PLPPR1: variants seen among roughly 807,000 people sequenced by gnomAD.
PLPPR1 encodes phospholipid phosphatase-related protein type 1.
PLPPR1 carries 10 observed loss-of-function variants against 33.1 expected under a neutral mutation model. The observed-to-expected ratio is 0.30, with a 90% confidence interval of 0.19 to 0.51. The LOEUF (loss-of-function observed/expected upper bound fraction) is 0.51. Ranked by LOEUF, PLPPR1 falls within the 20% of genes least tolerant of loss-of-function variation. The pLI, the probability that PLPPR1 is intolerant of heterozygous loss-of-function variation, is 0.97. For synonymous variants in PLPPR1, 151 were observed against 151.0 expected, an observed-to-expected ratio of 1.00 and a Z score of 0.00; for missense variants, 304 against 408.1, an observed-to-expected ratio of 0.74 and a Z score of 2.20.
intron 1 of PLPPR1, among the ~76,000 whole-genome samples, chr9:101,109,874 A>C (rs1207595387): frequency 6.6e-6 from 1 of 152,186 alleles, no homozygotes; most frequent in Non-Finnish European, 1.5e-5. Flanking sequence ...TGTTTGTGAC[A>C]TGTCACTTTC....
At chr9:101,136,901 G>T (rs776083420) in intron 1 of PLPPR1, among the ~76,000 whole-genome samples, 1 of 152,054 alleles carries the variant, frequency 6.6e-6, no homozygotes, top group African/African-American at 2.4e-5. Flanking sequence ...TCAGGTATTT[G>T]TTAGTACAAC....
At chr9:101,106,598 A>C (rs973075751) in intron 1 of PLPPR1, among the ~76,000 whole-genome samples, 1 of 78,978 alleles carries the variant, frequency 1.3e-5, no homozygotes, top group Non-Finnish European at 2.3e-5. Flanking sequence ...CCTTCATTTC[A>C]ACTTTGGTGA....
chr9:101,194,515 C>T (rs141622042), intron 2 of PLPPR1, among the ~76,000 whole-genome samples: 278 of 152,086 alleles, frequency 1.8e-3, no homozygotes, highest in African/African-American at 6.3e-3. Flanking sequence ...TTTGGGAGGC[C>T]GAGGTGGGCA....
chr9:101,250,757 A>T (rs1012706794), intron 2 of PLPPR1, among the ~76,000 whole-genome samples: 2 of 152,228 alleles, frequency 1.3e-5, no homozygotes, highest in African/African-American at 4.8e-5. Context: ...TAGAATCACC[A>T]TGATTATACC....
intron 1 of PLPPR1, among the ~76,000 whole-genome samples, chr9:101,122,093 CTT>C (rs139067015): frequency 1.3e-5 from 2 of 152,104 alleles, no homozygotes; most frequent in Middle Eastern, 3.4e-3. Flanking sequence ...TTGAAACTTG[CTT>C]TGTATTCATT....
chr9:101,259,639 G>C (rs1827861244), intron 2 of PLPPR1, among the ~76,000 whole-genome samples: 1 of 152,150 alleles, frequency 6.6e-6, no homozygotes, highest in Admixed American at 6.5e-5. Context: ...CTATGATATA[G>C]CCTGAGGAGG....
At position 101,309,311 on chromosome 9, in the gene PLPPR1, A is replaced by T. The variant is rs770585808; in HGVS notation, c.486A>T (p.Pro162=). ...CATACTTCCTGACTGTGTGCAAGCCAAACTACACCAGTGCAGACTGCCAAG... is the reference window on the plus strand; with the variant it reads ...CATACTTCCTGACTGTGTGCAAGCCTAACTACACCAGTGCAGACTGCCAAG... ...LTPYFLTVCK[P]NYTSADCQAH... Residue 162 remains proline (P), a synonymous_variant, in exon 5 of 8, where the codon CCA becomes CCT. Transcript: ENST00000374874. 14 of 1,614,196 alleles carry T rather than the reference A, an allele frequency of 8.7e-6. No homozygotes were observed. In the East Asian group the frequency reaches 3.1e-4, roughly 36 times the overall value.
intron 4 of PLPPR1, among the ~76,000 whole-genome samples, chr9:101,297,789 C>G (rs1056473215): frequency 3.9e-5 from 6 of 152,082 alleles, no homozygotes; most frequent in Non-Finnish European, 7.4e-5. Context: ...CTCATTTTTT[C>G]CCTCTTCATT....
At chr9:101,226,503 G>T (rs1216572266) in intron 2 of PLPPR1, among the ~76,000 whole-genome samples, 1 of 152,144 alleles carries the variant, frequency 6.6e-6, no homozygotes, top group African/African-American at 2.4e-5. Flanking sequence ...GGAAGTCCAA[G>T]ATCAAGGCAT....
intron 1 of PLPPR1, among the ~76,000 whole-genome samples, chr9:101,065,913 T>C (rs1201294924): frequency 6.6e-6 from 1 of 152,078 alleles, no homozygotes; most frequent in Non-Finnish European, 1.5e-5. Context: ...TAACTTCCCC[T>C]ATTGTTGACA....
chr9:101,108,919 A>T (rs145535817), intron 1 of PLPPR1, among the ~76,000 whole-genome samples: 1 of 151,592 alleles, frequency 6.6e-6, no homozygotes, highest in East Asian at 1.9e-4. Flanking sequence ...GTAAAGACTG[A>T]TATAACCCAC....
chr9:101,134,004 C>G (rs929454253), intron 1 of PLPPR1, among the ~76,000 whole-genome samples: 1 of 152,098 alleles, frequency 6.6e-6, no homozygotes, highest in Non-Finnish European at 1.5e-5. Context: ...AGGCACTTGG[C>G]GCATAGAACT....
chr9:101,302,861 C>A (rs545684798), intron 4 of PLPPR1, among the ~76,000 whole-genome samples: 1 of 152,156 alleles, frequency 6.6e-6, no homozygotes, highest in Non-Finnish European at 1.5e-5. Context: ...ATTTTGAAAA[C>A]GAGAAAATGT....
At chr9:101,072,202 T>A (rs1468234968) in intron 1 of PLPPR1, among the ~76,000 whole-genome samples, 1 of 152,170 alleles carries the variant, frequency 6.6e-6, no homozygotes, top group Non-Finnish European at 1.5e-5. Context: ...CCACTGCAGA[T>A]GTTTCTGGTT....
intron 1 of PLPPR1, among the ~76,000 whole-genome samples, chr9:101,071,352 T>C (rs1830480269): frequency 1.3e-5 from 2 of 152,110 alleles, no homozygotes; most frequent in South Asian, 4.1e-4. Flanking sequence ...TGTTTTGAAG[T>C]ATTAAAAATT....
At chr9:101,109,220 G>A (rs962659584) in intron 1 of PLPPR1, among the ~76,000 whole-genome samples, 5 of 149,240 alleles carry the variant, frequency 3.4e-5, no homozygotes, top group Admixed American at 6.7e-5. Flanking sequence ...ACGATCCGCC[G>A]GCCTCGGCCT....
chr9:101,324,365 T>A lies in PLPPR1; in HGVS notation c.*308T>A, dbSNP rs570323056. 13 of 266,886 alleles carry A rather than the reference T, an allele frequency of 4.9e-5. No individual in the cohort carries two copies. The East Asian group carries it at 8.7e-4, about 18-fold the overall frequency. The allele number at this position is 266,886 out of a possible 1,614,324, so 16.5% of individuals were successfully genotyped here. ...TGTTTTGTGATATTTGTACACAAATTTTCTTTTCTCAGTTTTATAAACACA... is the reference window on the plus strand; with the variant it reads ...TGTTTTGTGATATTTGTACACAAATATTCTTTTCTCAGTTTTATAAACACA... On this transcript the variant is annotated 3_prime_UTR_variant, in exon 8 of 8. Transcript: ENST00000374874.
intron 1 of PLPPR1, among the ~76,000 whole-genome samples, chr9:101,083,077 G>A (rs1269051587): frequency 1.3e-5 from 2 of 152,118 alleles, no homozygotes; most frequent in African/African-American, 2.4e-5. Context: ...TTTAAGGACT[G>A]TAAACGCCTG....
At chr9:101,128,058 T>G (rs1038683193) in intron 1 of PLPPR1, among the ~76,000 whole-genome samples, 1 of 152,118 alleles carries the variant, frequency 6.6e-6, no homozygotes, top group Non-Finnish European at 1.5e-5. Context: ...GTTCAGGAAT[T>G]TTACTGGGAT....
Sources: gnomAD v4.1 joint callset for allele counts (sites outside exome capture counted in the v4.1 genomes callset) on GRCh38, gnomAD v4.1.1 for gene constraint, MANE v1.5 for transcripts, NCBI Gene and HGNC (gene_info 2026-07-23, HGNC 2026-07-21) for gene names.